The following RAB27B variants were observed in gnomAD, a reference collection of about 807,000 sequenced individuals.
RAB27B encodes ras-related protein Rab-27B.
In RAB27B, 15 loss-of-function variants were observed where a neutral mutation model predicts 24.6. That is an observed-to-expected ratio of 0.61 (90% CI 0.41 to 0.94). The LOEUF is 0.94. Ranked by LOEUF, RAB27B falls within the 40% of genes least tolerant of loss-of-function variation. The probability of loss-of-function intolerance (pLI) is 0.00; values close to 1 mark genes in which losing one functional copy is unlikely to be tolerated. For synonymous variants in RAB27B, 105 were observed against 92.5 expected (o/e 1.14, Z -0.78); for missense variants, 261 against 266.8 (o/e 0.98, Z 0.15).
intron 2 of RAB27B, among the ~76,000 whole-genome samples, chr18:54,765,399 T>G (rs1229332709): frequency 3.3e-5 from 5 of 152,226 alleles, no homozygotes; most frequent in African/African-American, 1.2e-4. Context: ...TCATTCCATT[T>G]GACTTCAAGA....
At chr18:54,769,463 G>C (rs1346708101) in intron 2 of RAB27B, among the ~76,000 whole-genome samples, 1 of 147,560 alleles carries the variant, frequency 6.8e-6, no homozygotes, top group African/African-American at 2.5e-5. Flanking sequence ...TTTTGTTGTT[G>C]TTGTTGTTGT....
At chr18:54,766,465 CTTTTTG>C (rs1908365986) in intron 2 of RAB27B, among the ~76,000 whole-genome samples, 1 of 151,752 alleles carries the variant, frequency 6.6e-6, no homozygotes, top group Non-Finnish European at 1.5e-5. Flanking sequence ...TCCACATCTC[CTTTTTG>C]TTTTTGTTTT....
At chr18:54,840,901 C>A (rs1057017391) in intron 1 of RAB27B, among the ~76,000 whole-genome samples, 15 of 152,098 alleles carry the variant, frequency 9.9e-5, no homozygotes, top group African/African-American at 3.4e-4. Flanking sequence ...GTAATCCCAG[C>A]ACTTTGGGAG....
intron 2 of RAB27B, among the ~76,000 whole-genome samples, chr18:54,720,030 A>G (rs1008671082): frequency 5.3e-5 from 8 of 152,142 alleles, no homozygotes; most frequent in African/African-American, 1.9e-4. Flanking sequence ...TTTGACAGAC[A>G]CACTTTTCAG....
intron 2 of RAB27B, among the ~76,000 whole-genome samples, chr18:54,758,842 C>T (rs1305383043): frequency 1.3e-5 from 2 of 151,952 alleles, no homozygotes; most frequent in Non-Finnish European, 2.9e-5. Flanking sequence ...GTGTCTTGTC[C>T]CTGAGCAATC....
At chr18:54,784,693 A>G (rs1324392861) in intron 2 of RAB27B, among the ~76,000 whole-genome samples, 1 of 152,184 alleles carries the variant, frequency 6.6e-6, no homozygotes, top group Non-Finnish European at 1.5e-5. Flanking sequence ...TACATATCTC[A>G]AAATTTTTAT....
intron 2 of RAB27B, among the ~76,000 whole-genome samples, chr18:54,820,108 G>A (rs571936176): frequency 1.2e-3 from 182 of 152,226 alleles, no homozygotes; most frequent in Non-Finnish European, 2.4e-3. Flanking sequence ...ATAGCAGCAC[G>A]ATTTATAATC....
intron 2 of RAB27B, among the ~76,000 whole-genome samples, chr18:54,785,597 ATTTAT>A (rs1020075967): frequency 6.6e-6 from 1 of 151,444 alleles, no homozygotes; most frequent in African/African-American, 2.4e-5. Flanking sequence ...CAGTATATTG[ATTTAT>A]TTTGTTTATA....
At chr18:54,722,313 T>A (rs1417554958) in intron 2 of RAB27B, among the ~76,000 whole-genome samples, 2 of 152,188 alleles carry the variant, frequency 1.3e-5, no homozygotes, top group Non-Finnish European at 2.9e-5. Flanking sequence ...AGAGCAAGCC[T>A]CAGCTAGGAT....
At chr18:54,742,833 A>G (rs1910109235) in intron 2 of RAB27B, among the ~76,000 whole-genome samples, 1 of 152,186 alleles carries the variant, frequency 6.6e-6, no homozygotes, top group Non-Finnish European at 1.5e-5. Flanking sequence ...ATATCCCAGG[A>G]CCTTGATAAT....
intron 2 of RAB27B, among the ~76,000 whole-genome samples, chr18:54,735,891 G>A (rs534833869): frequency 1.7e-4 from 26 of 152,192 alleles, no homozygotes; most frequent in African/African-American, 5.5e-4. Context: ...TTGCATGAAA[G>A]GACTTTTCAT....
At chr18:54,874,562 T>TAA (rs11331217) in intron 1 of RAB27B, among the ~76,000 whole-genome samples, 41 of 143,296 alleles carry the variant, frequency 2.9e-4, no homozygotes, top group African/African-American at 9.3e-4. Context: ...ACACATTTGC[T>TAA]AAAAAAAAAA....
chr18:54,839,176 AC>A, intron 1 of RAB27B, among the ~76,000 whole-genome samples: 1 of 152,112 alleles, frequency 6.6e-6, no homozygotes, highest in Non-Finnish European at 1.5e-5. Flanking sequence ...ACAATAAGCA[AC>A]CCCGTTTTCA....
chr18:54,718,109 T>G (rs1909246547), exon 2 of RAB27B: 1 of 152,268 alleles, frequency 6.6e-6, no homozygotes, highest in Non-Finnish European at 1.5e-5. Context: ...GCTAGATATT[T>G]CCAGAGGCTG....
At chr18:54,845,241 T>C (rs1911283484) in intron 1 of RAB27B, among the ~76,000 whole-genome samples, 1 of 151,838 alleles carries the variant, frequency 6.6e-6, no homozygotes, top group East Asian at 1.9e-4. Context: ...ACCCCGTGTC[T>C]ACTAAAAATA....
intron 1 of RAB27B, among the ~76,000 whole-genome samples, chr18:54,840,105 T>C (rs572468963): frequency 6.6e-6 from 1 of 152,356 alleles, no homozygotes; most frequent in African/African-American, 2.4e-5. Flanking sequence ...GGGCAAATAA[T>C]GTTATGACTT....
chr18:54,754,276 C>T (rs1907933501), intron 2 of RAB27B, among the ~76,000 whole-genome samples: 1 of 152,130 alleles, frequency 6.6e-6, no homozygotes. Flanking sequence ...TCCTTGCTTC[C>T]CCTTGCCTTC....
intron 2 of RAB27B, among the ~76,000 whole-genome samples, chr18:54,795,981 C>T (rs1439766050): frequency 6.6e-6 from 1 of 152,110 alleles, no homozygotes; most frequent in South Asian, 2.1e-4. Flanking sequence ...GTGAAGCCAT[C>T]ACAATAATTA....
At chr18:54,746,058 G>A (rs1429413634) in intron 2 of RAB27B, among the ~76,000 whole-genome samples, 2 of 152,028 alleles carry the variant, frequency 1.3e-5, no homozygotes, top group African/African-American at 4.8e-5. Flanking sequence ...GGTGAAGCAT[G>A]CCACAAGATA....
Sources: gnomAD v4.1 joint callset for allele counts (sites outside exome capture counted in the v4.1 genomes callset) on GRCh38, gnomAD v4.1.1 for gene constraint, MANE v1.5 for transcripts, NCBI Gene and HGNC (gene_info 2026-07-23, HGNC 2026-07-21) for gene names.